The following CLVS1 variants were observed in gnomAD, a reference collection of about 807,000 sequenced individuals.
CLVS1 encodes clavesin-1.
CLVS1 carries 10 observed loss-of-function variants against 33.1 expected under a neutral mutation model. That is an observed-to-expected ratio of 0.30 (90% CI 0.19 to 0.51). The LOEUF (loss-of-function observed/expected upper bound fraction) is 0.51. CLVS1 is among the 20% of genes least tolerant of loss of function. CLVS1 has a pLI of 0.97. For missense variants in CLVS1, 343 were observed against 433.4 expected (o/e 0.79, Z 1.85); for synonymous variants, 163 against 166.1 (o/e 0.98, Z 0.14).
intron 5 of CLVS1, among the ~76,000 whole-genome samples, chr8:61,479,654 G>A (rs1430237850): frequency 1.3e-5 from 2 of 152,202 alleles, no homozygotes; most frequent in African/African-American, 4.8e-5. Context: ...AGGAGGAGAG[G>A]TGCTGTGATT....
chr8:61,053,458 C>A (rs1393771533), upstream of CLVS1, among the ~76,000 whole-genome samples: 3 of 152,200 alleles, frequency 2.0e-5, no homozygotes, highest in Non-Finnish European at 4.4e-5. Context: ...GAGTGGTTAT[C>A]CATGTCAACT....
intron 3 of CLVS1, among the ~76,000 whole-genome samples, chr8:61,441,730 C>T (rs956007563): frequency 6.6e-6 from 1 of 152,138 alleles, no homozygotes; most frequent in Non-Finnish European, 1.5e-5. Context: ...TATTATGTTG[C>T]TCCTGAACTC....
chr8:61,133,208 TGGA>T (rs1353815994), intron 2 of CLVS1, among the ~76,000 whole-genome samples: 1 of 151,878 alleles, frequency 6.6e-6, no homozygotes, highest in Non-Finnish European at 1.5e-5. Context: ...ACAATGTCAA[TGGA>T]GTTCAACACA....
intron 1 of CLVS1, among the ~76,000 whole-genome samples, chr8:61,090,097 C>T (rs1475075207): frequency 6.6e-6 from 1 of 152,216 alleles, no homozygotes; most frequent in Non-Finnish European, 1.5e-5. Flanking sequence ...ATCCTCTGGG[C>T]ACCACAGTTT....
intron 2 of CLVS1, among the ~76,000 whole-genome samples, chr8:61,335,422 A>C (rs1811763579): frequency 1.3e-5 from 2 of 152,246 alleles, no homozygotes; most frequent in African/African-American, 2.4e-5. Context: ...GAGTCGGTTA[A>C]GTTAGATCTC....
intron 2 of CLVS1, among the ~76,000 whole-genome samples, chr8:61,369,596 C>T (rs1813351764): frequency 6.6e-6 from 1 of 152,212 alleles, no homozygotes; most frequent in Non-Finnish European, 1.5e-5. Context: ...AGGGATATCT[C>T]TATAATTCAT....
At chr8:60,994,470 C>T in the CLVS1 span, among the ~76,000 whole-genome samples, 21 of 152,272 alleles carry the variant, frequency 1.4e-4, no homozygotes, top group South Asian at 3.1e-3. Flanking sequence ...TGCATGTCCC[C>T]GCACTGTGTT....
intron 2 of CLVS1, among the ~76,000 whole-genome samples, chr8:61,145,467 C>G (rs1382211977): frequency 3.9e-5 from 6 of 152,212 alleles, no homozygotes; most frequent in Non-Finnish European, 8.8e-5. Flanking sequence ...ACCCGTTGTA[C>G]TGTTTACATT....
At chr8:61,439,184 G>A (rs1301873414) in intron 3 of CLVS1, among the ~76,000 whole-genome samples, 1 of 152,122 alleles carries the variant, frequency 6.6e-6, no homozygotes, top group Non-Finnish European at 1.5e-5. Flanking sequence ...TGTCACTTCT[G>A]GCATCGATTT....
At chr8:61,318,365 C>T (rs1040050125) in intron 2 of CLVS1, among the ~76,000 whole-genome samples, 9 of 152,088 alleles carry the variant, frequency 5.9e-5, no homozygotes, top group Non-Finnish European at 1.3e-4. Flanking sequence ...TCAACAAATA[C>T]TTATTGAACA....
At chr8:61,259,865 G>T (rs1489254665) in intron 2 of CLVS1, among the ~76,000 whole-genome samples, 5 of 152,206 alleles carry the variant, frequency 3.3e-5, no homozygotes, top group Admixed American at 6.5e-5. Context: ...CATGCAGAGG[G>T]TACTCAGGCC....
chr8:60,985,127 C>T, the CLVS1 span, among the ~76,000 whole-genome samples: 1 of 152,208 alleles, frequency 6.6e-6, no homozygotes, highest in Non-Finnish European at 1.5e-5. Flanking sequence ...TTTTTCTTCT[C>T]TCAGAAAGTC....
At chr8:61,341,234 C>T (rs1313008690) in intron 2 of CLVS1, among the ~76,000 whole-genome samples, 2 of 152,140 alleles carry the variant, frequency 1.3e-5, no homozygotes, top group Non-Finnish European at 2.9e-5. Flanking sequence ...TTGGTAAGTC[C>T]GTCATTCTGT....
upstream of CLVS1, chr8:61,287,824 T>A (rs1217708606): frequency 8.9e-6 from 3 of 336,484 alleles, no homozygotes; most frequent in Non-Finnish European, 5.8e-6. Context: ...GTGATGACGC[T>A]GGTACTTTTT....
At chr8:61,271,353 A>C (rs1809434224) in intron 2 of CLVS1, among the ~76,000 whole-genome samples, 1 of 150,310 alleles carries the variant, frequency 6.7e-6, no homozygotes, top group South Asian at 2.1e-4. Context: ...CCTGAGTTCT[A>C]GTTTGATTGC....
chr8:61,183,777 A>G (rs1807287086), intron 2 of CLVS1, among the ~76,000 whole-genome samples: 1 of 152,152 alleles, frequency 6.6e-6, no homozygotes, highest in Non-Finnish European at 1.5e-5. Flanking sequence ...ATTGAATCTA[A>G]TACTCCCCCA....
chr8:61,257,841 G>A (rs1809118171), intron 2 of CLVS1, among the ~76,000 whole-genome samples: 1 of 152,170 alleles, frequency 6.6e-6, no homozygotes, highest in African/African-American at 2.4e-5. Flanking sequence ...TGCCCTGAAT[G>A]ACCATATATA....
chr8:61,265,251 C>T (rs1809281916), intron 2 of CLVS1, among the ~76,000 whole-genome samples: 1 of 152,168 alleles, frequency 6.6e-6, no homozygotes, highest in African/African-American at 2.4e-5. Flanking sequence ...TACCATTCAC[C>T]CGCTGGTTCA....
chr8:61,075,767 G>C (rs1172564937), intron 1 of CLVS1, among the ~76,000 whole-genome samples: 2 of 152,162 alleles, frequency 1.3e-5, no homozygotes, highest in Non-Finnish European at 2.9e-5. Context: ...TACAAGGCTG[G>C]TACCACTGTG....
Sources: allele counts gnomAD v4.1 joint callset (sites outside exome capture counted in the v4.1 genomes callset), GRCh38; gene constraint gnomAD v4.1.1; transcripts MANE v1.5; gene names NCBI Gene and HGNC (gene_info 2026-07-23, HGNC 2026-07-21).